The following CSMD1 variants were observed in gnomAD, a reference collection of about 807,000 sequenced individuals.
CSMD1 encodes CUB and sushi domain-containing protein 1.
A neutral mutation model predicts 417.5 loss-of-function variants in CSMD1; 213 were observed. The ratio of observed to expected loss-of-function variants is 0.51; its 90% confidence interval spans 0.46 to 0.57. The LOEUF (loss-of-function observed/expected upper bound fraction) is 0.57, where lower values mean the gene tolerates loss of function less well. Among genes scored for constraint, CSMD1 ranks in the 20% least tolerant of loss-of-function variants. The pLI, the probability that CSMD1 is intolerant of heterozygous loss-of-function variation, is 0.00. For missense variants in CSMD1, 6,923 were observed against 4,529.7 expected (o/e 1.53, Z -15.17); for synonymous variants, 2,862 against 1,736.8 (o/e 1.65, Z -16.11).
intron 23 of CSMD1, among the ~76,000 whole-genome samples, chr8:3,330,485 T>G (rs1399708565): frequency 3.3e-5 from 5 of 152,204 alleles, no homozygotes; most frequent in African/African-American, 1.2e-4. Context: ...GTTAGCAAAC[T>G]AAGGCAGAAA....
At chr8:3,058,666 T>C (rs376925601) in intron 49 of CSMD1, among the ~76,000 whole-genome samples, 1 of 151,972 alleles carries the variant, frequency 6.6e-6, no homozygotes, top group Non-Finnish European at 1.5e-5. Context: ...GGCACTAATA[T>C]CCTGATGAAG....
chr8:3,201,629 A>G lies in CSMD1; in HGVS notation c.5081T>C (p.Leu1694Pro). 1 of 1,602,208 alleles carries G rather than the reference A, an allele frequency of 6.2e-7. No homozygotes were observed. The highest frequency in any genetic ancestry group is 1.1e-5 in the South Asian group (1 of 88,480). Residue 1694 changes from leucine to proline, a missense_variant, in exon 32 of 70, where the codon CTC becomes CCC. Physicochemically the swap from Leu to Pro is moderately conservative, Grantham distance 98 (BLOSUM62 -3). Coordinates refer to ENST00000635120, the MANE Select transcript of CSMD1 (RefSeq NM_033225.6). ...THAQARLLSSLSGSHSGETLP... is the reference protein window; with the variant it reads ...THAQARLLSSPSGSHSGETLP... Reference sequence around the variant, plus strand: ...AGACTTACCTGAGTGAGACCCCGAGAGTGAGCTGAGAAGTCTGGCCTGTGC... The same window carrying G: ...AGACTTACCTGAGTGAGACCCCGAGGGTGAGCTGAGAAGTCTGGCCTGTGC...
At chr8:4,271,858 C>G (rs1216500071) in intron 3 of CSMD1, among the ~76,000 whole-genome samples, 1 of 152,166 alleles carries the variant, frequency 6.6e-6, no homozygotes, top group Non-Finnish European at 1.5e-5. Flanking sequence ...AGGCACAGTG[C>G]ATTCCACGAT....
intron 1 of CSMD1, among the ~76,000 whole-genome samples, chr8:4,883,046 G>C (rs1173620007): frequency 6.6e-6 from 1 of 152,056 alleles, no homozygotes; most frequent in African/African-American, 2.4e-5. Flanking sequence ...AACATCGTTA[G>C]AGTGCTATGG....
intron 1 of CSMD1, among the ~76,000 whole-genome samples, chr8:4,793,847 A>AC (rs1797829086): frequency 1.3e-5 from 2 of 149,074 alleles, no homozygotes; most frequent in African/African-American, 4.9e-5. Context: ...AAAAAAAAAA[A>AC]AAAAAACTCC....
Position 4,393,446 on chromosome 8 carries a change from T to C in CSMD1, c.415+26507A>G, listed in dbSNP as rs78412762. Reference sequence around the variant, plus strand: ...ATACATAGAACCCAAAATGCAGTTTTATGAATATCACATGCATGATTATGT... The same window carrying C: ...ATACATAGAACCCAAAATGCAGTTTCATGAATATCACATGCATGATTATGT... On this transcript the variant is annotated intron_variant, in intron 3 of 69. Transcript: ENST00000635120. Among the ~76,000 whole-genome samples, 629 of 152,322 alleles carry C rather than the reference T, an allele frequency of 4.1e-3. 3 individuals are homozygous for C. The highest frequency in any genetic ancestry group is 0.014 in the African/African-American group (601 of 41,570).
chr8:4,490,530 C>A (rs1308234510), intron 2 of CSMD1, among the ~76,000 whole-genome samples: 4 of 152,120 alleles, frequency 2.6e-5, no homozygotes, highest in Non-Finnish European at 4.4e-5. Context: ...CAGCCACGTT[C>A]CATGAACTGT....
intron 3 of CSMD1, among the ~76,000 whole-genome samples, chr8:4,184,232 A>G (rs1327195948): frequency 6.6e-6 from 1 of 152,224 alleles, no homozygotes; most frequent in Admixed American, 6.5e-5. Context: ...AGCAGAGACA[A>G]TATATTTATT....
intron 3 of CSMD1, among the ~76,000 whole-genome samples, chr8:4,052,544 C>A (rs532104828): frequency 9.9e-5 from 15 of 151,984 alleles, no homozygotes; most frequent in Non-Finnish European, 2.1e-4. Context: ...GTCAATGCAC[C>A]AAATTTGAGG....
intron 3 of CSMD1, among the ~76,000 whole-genome samples, chr8:4,180,387 T>C (rs1385091919): frequency 7.7e-6 from 1 of 129,746 alleles, no homozygotes; most frequent in Non-Finnish European, 1.5e-5. Flanking sequence ...TGAGAACACA[T>C]GGACACAGGA....
At chr8:4,893,458 T>C (rs1028160068) in intron 1 of CSMD1, among the ~76,000 whole-genome samples, 1 of 152,150 alleles carries the variant, frequency 6.6e-6, no homozygotes, top group African/African-American at 2.4e-5. Flanking sequence ...CTTCAGGGTT[T>C]ATTTGTTGTC....
intron 1 of CSMD1, among the ~76,000 whole-genome samples, chr8:4,815,907 T>A (rs1004035142): frequency 2.0e-4 from 31 of 152,124 alleles, no homozygotes; most frequent in African/African-American, 7.2e-4. Context: ...TCATCTAGGC[T>A]TTCTAGGAAG....
At chr8:4,980,293 G>C (rs531920541) in intron 1 of CSMD1, among the ~76,000 whole-genome samples, 100 of 152,262 alleles carry the variant, frequency 6.6e-4, no homozygotes, top group African/African-American at 2.4e-3. Context: ...GCTCTTCCCA[G>C]AGTGTAGCCA....
At chr8:2,983,017 A>C (rs1339427372) in intron 54 of CSMD1, among the ~76,000 whole-genome samples, 1 of 152,144 alleles carries the variant, frequency 6.6e-6, no homozygotes, top group Non-Finnish European at 1.5e-5. Context: ...ACTTTGCAGG[A>C]TTCGTATCTA....
At chr8:3,863,075 A>G (rs1804828739) in intron 5 of CSMD1, among the ~76,000 whole-genome samples, 1 of 152,154 alleles carries the variant, frequency 6.6e-6, no homozygotes, top group African/African-American at 2.4e-5. Flanking sequence ...AAGTGGAAGG[A>G]GAGGCAAGAG....
intron 30 of CSMD1, among the ~76,000 whole-genome samples, chr8:3,209,308 T>A (rs1377243560): frequency 6.6e-6 from 1 of 151,740 alleles, no homozygotes; most frequent in Non-Finnish European, 1.5e-5. Context: ...TATTTATTTA[T>A]TTATTTATTT....
intron 3 of CSMD1, among the ~76,000 whole-genome samples, chr8:4,154,883 A>G (rs1240798488): frequency 6.6e-6 from 1 of 152,204 alleles, no homozygotes; most frequent in African/African-American, 2.4e-5. Flanking sequence ...ATCACAGTCC[A>G]CAAATATTTG....
intron 46 of CSMD1, among the ~76,000 whole-genome samples, chr8:3,101,052 GGT>G (rs1165965538): frequency 3.9e-4 from 16 of 41,050 alleles, no homozygotes; most frequent in African/African-American, 1.7e-3. Context: ...GAATACGTAT[GGT>G]GTTTTTTTTT....
intron 2 of CSMD1, among the ~76,000 whole-genome samples, chr8:4,452,062 G>A: frequency 6.6e-6 from 1 of 151,866 alleles, no homozygotes; most frequent in Admixed American, 6.6e-5. Context: ...GAAGATTAGG[G>A]GCCAGAATGA....
Sources: allele counts gnomAD v4.1 joint callset (sites outside exome capture counted in the v4.1 genomes callset), GRCh38; gene constraint gnomAD v4.1.1; transcripts MANE v1.5; gene names NCBI Gene and HGNC (gene_info 2026-07-23, HGNC 2026-07-21).